FRAS1: variants seen among roughly 807,000 people sequenced by gnomAD.
FRAS1 encodes extracellular matrix organizing protein FRAS1.
FRAS1 carries 290 observed loss-of-function variants against 435.2 expected under a neutral mutation model. The ratio of observed to expected loss-of-function variants is 0.67; its 90% CI spans 0.61 to 0.73. The LOEUF (loss-of-function observed/expected upper bound fraction) is 0.73, where lower values mean the gene tolerates loss of function less well. FRAS1 is among the 30% of genes least tolerant of loss of function. The pLI, the probability that FRAS1 is intolerant of heterozygous loss-of-function variation, is 0.00. For synonymous variants in FRAS1, 1,800 were observed against 1,851.0 expected (o/e 0.97, Z 0.71); for missense variants, 4,860 against 5,001.5 (o/e 0.97, Z 0.85).
chr4:78,329,315 A>T (rs1038587377), intron 18 of FRAS1, among the ~76,000 whole-genome samples: 8 of 152,224 alleles, frequency 5.3e-5, no homozygotes, highest in African/African-American at 1.9e-4. Context: ...GGATTCCGGT[A>T]ACTTTACCTA....
chr4:78,473,487 C>G lies in FRAS1; in HGVS notation c.7572C>G (p.Ile2524Met), dbSNP rs773649886. ...LIRYVLHKEK[I>M]REMMDSFQFL... ...GTTATGTGTTGCACAAGGAGAAGAT[C>G]CGTGAGATGATGGATAGTTTTCAGT... Residue 2524 changes from isoleucine (I) to methionine (M), a missense_variant, in exon 53 of 74, where the codon ATC becomes ATG. Coordinates refer to ENST00000512123, the MANE Select transcript of FRAS1 (RefSeq NM_025074.7). 10 of 1,613,112 alleles carry G rather than the reference C, an allele frequency of 6.2e-6. No homozygotes were observed. Among genetic ancestry groups the G allele is most frequent in the Middle Eastern group, 3.3e-4 (2 of 6,082 alleles).
At chr4:78,200,825 G>A (rs1723016015) in intron 2 of FRAS1, among the ~76,000 whole-genome samples, 1 of 142,754 alleles carries the variant, frequency 7.0e-6, no homozygotes, top group African/African-American at 2.9e-5. Context: ...TCTGCTTATG[G>A]AGAAAGTGAT....
At chr4:78,154,272 G>C (rs1028135607) in intron 2 of FRAS1, among the ~76,000 whole-genome samples, 5 of 152,132 alleles carry the variant, frequency 3.3e-5, no homozygotes, top group African/African-American at 1.2e-4. Flanking sequence ...TACAGTCTCT[G>C]TTGATCTCAT....
At chr4:78,111,985 G>C (rs887930626) in intron 2 of FRAS1, among the ~76,000 whole-genome samples, 1 of 152,062 alleles carries the variant, frequency 6.6e-6, no homozygotes, top group Non-Finnish European at 1.5e-5. Context: ...AAGAATGTAT[G>C]TTTTAAAAAA....
In FRAS1 at chr4:78,089,203, C is replaced by T. The variant is rs555805067; in HGVS notation, c.108+23187C>T. On this transcript the variant is annotated intron_variant, in intron 2 of 73. Coordinates refer to ENST00000512123, the MANE Select transcript of FRAS1 (RefSeq NM_025074.7). ...GACAAAAAACCAAATACCGCATGTT[C>T]TCACTCATAGGTGGGAATTGAACAA... 3.4e-5 allele frequency among the ~76,000 whole-genome samples: 5 copies of T among 146,364 alleles called. No homozygotes were observed. In the South Asian group the frequency reaches 1.1e-3, roughly 32 times the overall value.
chr4:78,081,308 A>G (rs1181687940), intron 2 of FRAS1, among the ~76,000 whole-genome samples: 7 of 152,198 alleles, frequency 4.6e-5, no homozygotes, highest in Non-Finnish European at 8.8e-5. Context: ...ACATGTGGCT[A>G]CTGAGCACTG....
intron 6 of FRAS1, among the ~76,000 whole-genome samples, chr4:78,259,536 T>C (rs1258551711): frequency 6.6e-5 from 10 of 151,966 alleles, no homozygotes; most frequent in African/African-American, 2.2e-4. Context: ...TGTCCTTCGC[T>C]CACTTTTTGA....
At position 78,347,543 on chromosome 4, in the gene FRAS1, C is replaced by T. The variant is rs544504235; in HGVS notation, c.2422+9726C>T. ...GGTTTCTGAGTGAACGTCCAAAGCT[C>T]CAGCCATGCTGGTTCTCTTCCCCAC... is the stretch of plus-strand genomic sequence containing the variant. On this transcript the variant is annotated intron_variant, in intron 20 of 73. Transcript: ENST00000512123. Among the ~76,000 whole-genome samples the T allele has an allele frequency of 2.0e-5, 3 of 152,282 alleles. No individual in the cohort carries two copies. The East Asian group carries it at 5.8e-4, about 29-fold the overall frequency.
In FRAS1 at chr4:78,541,872, G is replaced by C. The variant is rs1312706297; in HGVS notation, c.*748G>C. The C allele has an allele frequency of 6.6e-6, 1 of 152,202 alleles. No individual in the cohort carries two copies. Among genetic ancestry groups the C allele is most frequent in the Non-Finnish European group, 1.5e-5 (1 of 68,056 alleles). 9.4% of individuals were successfully genotyped at this position (152,202 alleles called of 1,614,324 possible). A position where few individuals can be genotyped will look rare whatever the true frequency, so the allele number is the denominator to read the frequency against. On this transcript the variant is annotated 3_prime_UTR_variant, in exon 74 of 74. Transcript: ENST00000512123. ...TAGTGATGCCCTTCACCCCAGGGAG[G>C]TGTCTGTTCCCAACTAGTTTATGTG...
rs1301354801 is a variant in FRAS1 at position 78,534,563 on chromosome 4, T to A, written c.11040T>A (p.Asn3680Lys). 6.2e-7 allele frequency: 1 copy of A among 1,613,534 alleles called. No homozygotes were observed. Among genetic ancestry groups the A allele is most frequent in the South Asian group, 1.1e-5 (1 of 91,026 alleles). Residue 3680 changes from asparagine to lysine, a missense_variant, in exon 71 of 74, where the codon AAT becomes AAA. Transcript: ENST00000512123. ...NNEKVFLMDP[N>K]TSDMSLAEMD... ...AGAAGGTGTTCCTAATGGATCCCAA[T>A]ACATCTGATATGTCACTAGCAGAAA... is the stretch of plus-strand genomic sequence containing the variant.
chr4:78,058,644 G>A (rs1384236214), intron 1 of FRAS1, among the ~76,000 whole-genome samples: 1 of 152,128 alleles, frequency 6.6e-6, no homozygotes, highest in African/African-American at 2.4e-5. Context: ...TCTCCAGTAC[G>A]GAGAAGCACG....
chr4:78,527,220 T>G lies in FRAS1; in HGVS notation c.10925+563T>G, dbSNP rs1721563197. ...GGCTCAATATCCACTAATTCATTAT[T>G]TGTGGAGACTTTATAGAGCATAACA... On this transcript the variant is annotated intron_variant, in intron 70 of 73. Coordinates refer to ENST00000512123, the MANE Select transcript of FRAS1 (RefSeq NM_025074.7). Among the ~76,000 whole-genome samples the G allele has an allele frequency of 2.6e-5, 4 of 152,210 alleles. No individual in the cohort carries two copies. In the South Asian group the frequency reaches 8.3e-4, roughly 32 times the overall value.
rs1234396415 is a variant in FRAS1, at chr4:78,387,629, T to C, written c.3903T>C (p.Asp1301=). 4 of 1,608,918 alleles carry C rather than the reference T, an allele frequency of 2.5e-6. No individual in the cohort carries two copies. Among genetic ancestry groups the C allele is most frequent in the African/African-American group, 2.7e-5 (2 of 74,840 alleles). The change falls in exon 29 of 74, where the codon GAT becomes GAC. Residue 1301 remains aspartate (D), a synonymous_variant. Coordinates refer to ENST00000512123, the MANE Select transcript of FRAS1 (RefSeq NM_025074.7). ...ATGATGGTTCAGACAGCACATCCGATGTTGCAGTCTTGCAGGCCAATGATG... is the reference window on the plus strand; with the variant it reads ...ATGATGGTTCAGACAGCACATCCGACGTTGCAGTCTTGCAGGCCAATGATG... The part of the protein sequence containing the change: ...YAHDGSDSTS[D]VAVLQANDGH...
At chr4:78,453,792 A>G (rs1719096810) in intron 47 of FRAS1, among the ~76,000 whole-genome samples, 1 of 69,828 alleles carries the variant, frequency 1.4e-5, no homozygotes, top group African/African-American at 5.8e-5. Flanking sequence ...GCAAGACCCT[A>G]TCTCAAAAAA....
intron 2 of FRAS1, among the ~76,000 whole-genome samples, chr4:78,153,607 T>G (rs1720765539): frequency 6.6e-6 from 1 of 152,184 alleles, no homozygotes; most frequent in Non-Finnish European, 1.5e-5. Context: ...TCTGTATATT[T>G]CATAAGGCTG....
chr4:78,211,766 G>C (rs1207589704), intron 2 of FRAS1, among the ~76,000 whole-genome samples: 7 of 152,254 alleles, frequency 4.6e-5, no homozygotes, highest in Non-Finnish European at 1.0e-4. Context: ...TCACATTCAT[G>C]GTGTTGTGCA....
At position 78,510,650 on chromosome 4, in the gene FRAS1, G is replaced by C. The variant is rs541664395; in HGVS notation, c.9781-624G>C. Reference sequence around the variant, plus strand: ...TGGTGACCTACATTGCCTCTGCATAGATTGAGTTAAGCACTCTTAGGGCTT... The same window carrying C: ...TGGTGACCTACATTGCCTCTGCATACATTGAGTTAAGCACTCTTAGGGCTT... On this transcript the variant is annotated intron_variant, in intron 63 of 73. Transcript: ENST00000512123. Among the ~76,000 whole-genome samples the C allele has an allele frequency of 2.0e-5, 3 of 152,292 alleles. No homozygotes were observed. The East Asian group carries it at 5.8e-4, about 29-fold the overall frequency.
intron 14 of FRAS1, among the ~76,000 whole-genome samples, chr4:78,292,138 A>T (rs1384019810): frequency 6.6e-6 from 1 of 152,236 alleles, no homozygotes; most frequent in Non-Finnish European, 1.5e-5. Context: ...TTCAACCTAT[A>T]GAGATAAAAA....
At position 78,375,749 on chromosome 4, in the gene FRAS1, G is replaced by C. The variant is rs1006039950; in HGVS notation, c.3162G>C (p.Gln1054His). Residue 1054 changes from glutamine (Q) to histidine (H), a missense_variant, in exon 26 of 74, where the codon CAG becomes CAC. Transcript: ENST00000512123. ...TTCCTTTTTTAATAGCCTGCCCTCA[G>C]GGGTGCTTGCAGTGCAGCCACAGGG... is the stretch of plus-strand genomic sequence containing the variant. ...HAKHKCTACP[Q>H]GCLQCSHRDR... The C allele has an allele frequency of 1.9e-6, 3 of 1,598,798 alleles. No homozygotes were observed. The highest frequency in any genetic ancestry group is 2.6e-6 in the Non-Finnish European group (3 of 1,172,128).
Sources: gnomAD v4.1 joint callset for allele counts (sites outside exome capture counted in the v4.1 genomes callset) on GRCh38, gnomAD v4.1.1 for gene constraint, MANE v1.5 for transcripts, NCBI Gene and HGNC (gene_info 2026-07-23, HGNC 2026-07-21) for gene names.